The following HNRNPA3 variants were observed in gnomAD, a reference collection of about 807,000 sequenced individuals.
HNRNPA3 encodes heterogeneous nuclear ribonucleoprotein A3.
Under a neutral mutation model 45.8 loss-of-function variants are expected in HNRNPA3, and 3 were observed. The observed-to-expected ratio is 0.07, with a 90% CI of 0.03 to 0.17. The LOEUF is 0.17. Among genes scored for constraint, HNRNPA3 ranks in the 10% least tolerant of loss-of-function variants. The pLI is 1.00. For synonymous variants in HNRNPA3, 170 were observed against 155.6 expected, an observed-to-expected ratio of 1.09 and a Z score of -0.69; for missense variants, 183 against 480.3, an observed-to-expected ratio of 0.38 and a Z score of 5.79.
At chr2:177,214,092 G>A (rs145662363) in intron 1 of HNRNPA3, among the ~76,000 whole-genome samples, 2 of 152,218 alleles carry the variant, frequency 1.3e-5, no homozygotes, top group Non-Finnish European at 2.9e-5. Flanking sequence ...AAGAACTTCG[G>A]GTGAAGGAAA....
At chr2:177,218,853 A>G (rs1689074066) in intron 8 of HNRNPA3, among the ~76,000 whole-genome samples, 184 bp from the exon 9 acceptor site, 1 of 152,264 alleles carries the variant, frequency 6.6e-6, no homozygotes, top group Non-Finnish European at 1.5e-5. Context: ...AGAGGACAGC[A>G]TTTAATATAA....
intron 1 of HNRNPA3, among the ~76,000 whole-genome samples, chr2:177,214,884 C>T (rs1312270096): frequency 6.6e-6 from 1 of 152,180 alleles, no homozygotes; most frequent in Non-Finnish European, 1.5e-5. Context: ...GCTTCTCCAA[C>T]AGTTTAGTGC....
chr2:177,218,785 A>G (rs890973682), intron 8 of HNRNPA3, among the ~76,000 whole-genome samples: 1 of 152,236 alleles, frequency 6.6e-6, no homozygotes, highest in African/African-American at 2.4e-5. Flanking sequence ...CTTCAGAATC[A>G]TAGTGAATGG....
At chr2:177,215,053 A>G (rs1486562530) in intron 1 of HNRNPA3, among the ~76,000 whole-genome samples, 2 of 152,228 alleles carry the variant, frequency 1.3e-5, no homozygotes. Flanking sequence ...TTTCCTTGAC[A>G]TAAGTTAGCC....
chr2:177,219,302 ACAG>A (rs753953170), exon 10 of HNRNPA3: 413 of 1,612,232 alleles, frequency 2.6e-4, no homozygotes, highest in Non-Finnish European at 3.0e-4. Flanking sequence ...GGTTCTAAAA[ACAG>A]CAGAAAAGGG....
At chr2:177,216,986 A>C in intron 7 of HNRNPA3, 46 bp downstream of exon 7, 2 of 1,419,784 alleles carry the variant, frequency 1.4e-6, no homozygotes, top group Non-Finnish European at 1.9e-6. Context: ...AACTTTCTTT[A>C]CTTATTGAAA....
Position 177,215,927 on chromosome 2 carries a change from A to G in HNRNPA3, c.342+31A>G, listed in dbSNP as rs771051229. On this transcript the variant is annotated intron_variant, in intron 3 of 10. Transcript: ENST00000392524. ...TTAATAATACATTGTGTAATATGTG[A>G]AATTGTTGTGAAAGTTTGTTTCTTG... 4 of 1,596,652 alleles carry G rather than the reference A, an allele frequency of 2.5e-6. No individual in the cohort carries two copies. In the African/African-American group the frequency reaches 4.1e-5, roughly 16 times the overall value.
Position 177,219,183 on chromosome 2 carries a change from C to A in HNRNPA3, c.1084+24C>A, listed in dbSNP as rs752055544. Reference sequence around the variant, plus strand: ...TGGTAAGTACTTTCTTAAATCAATTCTTTAGAGCCTTTTTAATTTAAAAAA... The same window carrying A: ...TGGTAAGTACTTTCTTAAATCAATTATTTAGAGCCTTTTTAATTTAAAAAA... On this transcript the variant is annotated intron_variant, in intron 9 of 10. Coordinates refer to ENST00000392524, the Ensembl canonical transcript of HNRNPA3. 3.7e-6 allele frequency: 6 copies of A among 1,610,754 alleles called. No individual in the cohort carries two copies. The African/African-American group carries it at 4.0e-5, about 11-fold the overall frequency.
At chr2:177,216,276 T>C (rs1279116887) in intron 4 of HNRNPA3, 88 bp downstream of exon 4, 7 of 896,260 alleles carry the variant, frequency 7.8e-6, no homozygotes, top group Admixed American at 2.3e-5. Context: ...AATTTTCTGT[T>C]GCGTGTAATG....
Position 177,219,325 on chromosome 2 carries a change from T to G in HNRNPA3, c.*15+11T>G, listed in dbSNP as rs757462769. ...AAACAGCAGAAAAGGGTAGGTATCTTTAAATTTTTATTATGATGATAAAAG... is the reference window on the plus strand; with the variant it reads ...AAACAGCAGAAAAGGGTAGGTATCTGTAAATTTTTATTATGATGATAAAAG... On this transcript the variant is annotated intron_variant, in intron 10 of 10. Transcript: ENST00000392524. 7 of 1,578,706 alleles carry G rather than the reference T, an allele frequency of 4.4e-6. No homozygotes were observed. The South Asian group carries it at 6.8e-5, about 15-fold the overall frequency.
chr2:177,212,810 A>C, exon 1 of HNRNPA3: 1 of 1,564,820 alleles, frequency 6.4e-7, no homozygotes, highest in East Asian at 2.5e-5. Context: ...ATGGAGGTAA[A>C]ACCGCCGCCC....
chr2:177,220,476 T>G (rs1419466098), downstream of HNRNPA3: 1 of 154,394 alleles, frequency 6.5e-6, no homozygotes, highest in Non-Finnish European at 1.5e-5. Flanking sequence ...TTAAATTCTT[T>G]TTTTTGATAC....
intron 1 of HNRNPA3, 44 bp from the exon 2 acceptor site, chr2:177,215,495 C>A: frequency 6.3e-7 from 1 of 1,594,544 alleles, no homozygotes; most frequent in South Asian, 1.1e-5. Context: ...CATCTTAATT[C>A]ATCTACTGTA....
At chr2:177,216,806 G>T (rs1409887980) in intron 6 of HNRNPA3, 35 bp downstream of exon 6, 1 of 1,613,654 alleles carries the variant, frequency 6.2e-7, no homozygotes, top group Middle Eastern at 1.6e-4. Context: ...ATGGATACCT[G>T]ACATTTTGGT....
In HNRNPA3 at chr2:177,216,666, T is replaced by C; in HGVS notation, c.644-10T>C. 6.2e-7 allele frequency: 1 copy of C among 1,614,076 alleles called. No individual in the cohort carries two copies. The highest frequency in any genetic ancestry group is 8.5e-7 in the Non-Finnish European group (1 of 1,179,944). ...AAGGTTCTTAAAAATCTCCCTTGCC[T>C]GTATTAAAGGTCGTGGAGGTGGATC... On this transcript the variant is annotated splice_polypyrimidine_tract_variant and intron_variant, in intron 5 of 10. Coordinates refer to ENST00000392524, the Ensembl canonical transcript of HNRNPA3.
intron 8 of HNRNPA3, among the ~76,000 whole-genome samples, chr2:177,218,487 T>A (rs1175615440): frequency 6.6e-6 from 1 of 152,196 alleles, no homozygotes; most frequent in Non-Finnish European, 1.5e-5. Context: ...TTGGTACTTT[T>A]AAACTGGACA....
In HNRNPA3 at chr2:177,212,927, TC is replaced by T. The variant is rs1245226916; in HGVS notation, c.72+57del. ...GAATGGCCGGCGTTGGGGGCCTGGT[TC>T]GGTGGGAGCGGGGAGGCCGGGTGGA... is the stretch of plus-strand genomic sequence containing the variant. On this transcript the variant is annotated intron_variant, in intron 1 of 10. Transcript: ENST00000392524. 5.1e-6 allele frequency: 6 copies of T among 1,172,866 alleles called. 1 individual carries two copies. In the East Asian group the frequency reaches 1.9e-4, roughly 36 times the overall value. The allele number at this position is 1,172,866 out of a possible 1,614,324, so 72.7% of individuals were successfully genotyped here.
At chr2:177,216,719 C>T (rs1688955735) in exon 6 of HNRNPA3, 2 of 1,614,114 alleles carry the variant, frequency 1.2e-6, no homozygotes, top group Non-Finnish European at 8.5e-7. Flanking sequence ...GCGGAGGGAA[C>T]TTTGGAGGTG....
At chr2:177,220,947 CTTTTG>C (rs1689166729), downstream of HNRNPA3, 2 of 152,646 alleles carry the variant, frequency 1.3e-5, no homozygotes, top group South Asian at 2.1e-4. Context: ...GAATTCAAGT[CTTTTG>C]TTTTAAGAAG....
Sources: allele counts gnomAD v4.1 joint callset (sites outside exome capture counted in the v4.1 genomes callset), GRCh38; gene constraint gnomAD v4.1.1; transcripts MANE v1.5; gene names NCBI Gene and HGNC (gene_info 2026-07-23, HGNC 2026-07-21).